Variants in PSEN1 observed in about 807,000 individuals in gnomAD.
The protein encoded by PSEN1 is presenilin 1.
Under a neutral mutation model 53.5 loss-of-function variants are expected in PSEN1, and 15 were observed. The ratio of observed to expected loss-of-function variants is 0.28; its 90% CI spans 0.19 to 0.43. PSEN1 has a LOEUF of 0.43. PSEN1 is among the 20% of genes least tolerant of loss of function. PSEN1 has a pLI of 1.00. For synonymous variants in PSEN1, 208 were observed against 209.8 expected (o/e 0.99, Z 0.08); for missense variants, 387 against 571.2 (o/e 0.68, Z 3.29).
At chr14:73,165,832 C>T (rs1056649673) in intron 3 of PSEN1, among the ~76,000 whole-genome samples, 5 of 150,650 alleles carry the variant, frequency 3.3e-5, no homozygotes, top group East Asian at 2.0e-4. Context: ...CCAAGGTGGG[C>T]GGATCATGAG....
intron 10 of PSEN1, among the ~76,000 whole-genome samples, chr14:73,213,541 A>G (rs896825867): frequency 1.3e-5 from 2 of 152,222 alleles, no homozygotes; most frequent in East Asian, 1.9e-4. Flanking sequence ...ACGTGTCACC[A>G]TCTCTGATGG....
In PSEN1 at chr14:73,192,651, T is replaced by A; in HGVS notation, c.556T>A (p.Phe186Ile). The A allele has an allele frequency of 6.2e-7, 1 of 1,612,454 alleles. No individual in the cohort carries two copies. Among genetic ancestry groups the A allele is most frequent in the Non-Finnish European group, 8.5e-7 (1 of 1,178,524 alleles). The change falls in exon 7 of 12, where the codon TTT (phenylalanine) becomes ATT (isoleucine). Residue 186 changes from phenylalanine (F) to isoleucine (I), a missense_variant. Around this residue, in one of 4 missense-constraint regions of PSEN1, gnomAD observed 169 missense variants for 299.7 expected, o/e 0.56. Transcript: ENST00000324501. ...FFSFIYLGEVFKTYNVAVDYI... is the reference protein window; with the variant it reads ...FFSFIYLGEVIKTYNVAVDYI... ...TGTGTAATTTTTTTTCAGGGAAGTGTTTAAAACCTATAACGTTGCTGTGGA... is the reference window on the plus strand; with the variant it reads ...TGTGTAATTTTTTTTCAGGGAAGTGATTAAAACCTATAACGTTGCTGTGGA...
Position 73,211,679 on chromosome 14 carries a change from A to G in PSEN1, c.956-90A>G, listed in dbSNP as rs1594754314. ...GTGGTTTAAGGGCCAGCTAGTTACAATGACAGCTAGTTACTGTTTCCATGT... is the reference window on the plus strand; with the variant it reads ...GTGGTTTAAGGGCCAGCTAGTTACAGTGACAGCTAGTTACTGTTTCCATGT... On this transcript the variant is annotated intron_variant, in intron 9 of 11. Coordinates refer to ENST00000324501, the MANE Select transcript of PSEN1 (RefSeq NM_000021.4). 3 of 1,420,956 alleles carry G rather than the reference A, an allele frequency of 2.1e-6. No homozygotes were observed. The East Asian group carries it at 7.1e-5, about 34-fold the overall frequency. The allele number at this position is 1,420,956 out of a possible 1,614,324, so 88.0% of individuals were successfully genotyped here. A position where few individuals can be genotyped will look rare whatever the true frequency, so the allele number is the denominator to read the frequency against.
In PSEN1 at chr14:73,221,333, T is replaced by A. The variant is rs914441953; in HGVS notation, c.*2044T>A. On this transcript the variant is annotated 3_prime_UTR_variant, in exon 12 of 12. Transcript: ENST00000324501. Reference sequence around the variant, plus strand: ...CACAGCTACAGCAAAGCCACCTGAATAGCAATTTGTGATTGGAAGCATTCT... The same window carrying A: ...CACAGCTACAGCAAAGCCACCTGAAAAGCAATTTGTGATTGGAAGCATTCT... 2 of 152,232 alleles carry A rather than the reference T, an allele frequency of 1.3e-5. No homozygotes were observed. The highest frequency in any genetic ancestry group is 6.5e-5 in the Admixed American group (1 of 15,278). The allele number at this position is 152,232 out of a possible 1,614,324, so 9.4% of individuals were successfully genotyped here.
At chr14:73,175,253 A>C (rs985521948) in intron 5 of PSEN1, among the ~76,000 whole-genome samples, 1 of 151,982 alleles carries the variant, frequency 6.6e-6, no homozygotes, top group Non-Finnish European at 1.5e-5. Flanking sequence ...CAGCCCCCCG[A>C]GTAGCTGGGA....
intron 10 of PSEN1, among the ~76,000 whole-genome samples, chr14:73,212,291 A>G (rs1233624167): frequency 1.3e-5 from 2 of 150,968 alleles, no homozygotes; most frequent in Non-Finnish European, 3.0e-5. Context: ...TTGTATTTTT[A>G]GTAGAGATGG....
intron 3 of PSEN1, among the ~76,000 whole-genome samples, chr14:73,149,773 T>C (rs1897166329): frequency 6.6e-6 from 1 of 152,228 alleles, no homozygotes; most frequent in Admixed American, 6.5e-5. Context: ...CCAAGTCTTA[T>C]TCAATTAGTT....
rs199811023 is a variant in PSEN1 at position 73,171,069 on chromosome 14, T to C, written c.338+22T>C. ...AGCTGTACGTATGAGTTTTGTTTTATTATTCTCAAAGCCAGTGTGGCTTTT... is the reference window on the plus strand; with the variant it reads ...AGCTGTACGTATGAGTTTTGTTTTACTATTCTCAAAGCCAGTGTGGCTTTT... On this transcript the variant is annotated intron_variant, in intron 4 of 11. Coordinates refer to ENST00000324501, the MANE Select transcript of PSEN1 (RefSeq NM_000021.4). The C allele has an allele frequency of 2.7e-5, 43 of 1,613,632 alleles. No homozygotes were observed. Among genetic ancestry groups the C allele is most frequent in the Non-Finnish European group, 3.5e-5 (41 of 1,180,008 alleles).
chr14:73,215,537 C>G (rs1899878385), intron 10 of PSEN1, among the ~76,000 whole-genome samples: 1 of 146,798 alleles, frequency 6.8e-6, no homozygotes, highest in Non-Finnish European at 1.5e-5. Flanking sequence ...GAGCCGAGAT[C>G]ACTTAAAAAA....
At chr14:73,170,736 AC>A (rs1897860177) in intron 3 of PSEN1, 60 bp from the exon 4 acceptor site, 5 of 1,587,948 alleles carry the variant, frequency 3.1e-6, no homozygotes, top group Non-Finnish European at 4.3e-6. Context: ...CCCAGGTCTA[AC>A]CGTTACCTTG....
At position 73,221,417 on chromosome 14, in the gene PSEN1, T is replaced by C. The variant is rs1900115679; in HGVS notation, c.*2128T>C. 6.6e-6 allele frequency: 1 copy of C among 152,208 alleles called. No homozygotes were observed. Among genetic ancestry groups the C allele is most frequent in the South Asian group, 2.1e-4 (1 of 4,834 alleles). 9.4% of individuals were successfully genotyped at this position (152,208 alleles called of 1,614,324 possible). A position where few individuals can be genotyped will look rare whatever the true frequency, so the allele number is the denominator to read the frequency against. ...GTAAGGATCCCAAATGTGTTGCACC[T>C]TTCATGATACATTTCTTCTCTGAAG... On this transcript the variant is annotated 3_prime_UTR_variant, in exon 12 of 12. Coordinates refer to ENST00000324501, the MANE Select transcript of PSEN1 (RefSeq NM_000021.4).
At chr14:73,151,484 A>G (rs1363707670) in intron 3 of PSEN1, among the ~76,000 whole-genome samples, 1 of 152,174 alleles carries the variant, frequency 6.6e-6, no homozygotes, top group Non-Finnish European at 1.5e-5. Flanking sequence ...AAATAAGAGA[A>G]GAAAAGCATG....
intron 6 of PSEN1, among the ~76,000 whole-genome samples, chr14:73,190,625 C>T (rs756436265): frequency 1.3e-5 from 2 of 152,088 alleles, no homozygotes; most frequent in Non-Finnish European, 2.9e-5. Context: ...GTGGCTCACA[C>T]CTGTAATCTC....
At chr14:73,156,970 A>C (rs538665754) in intron 3 of PSEN1, among the ~76,000 whole-genome samples, 1 of 151,732 alleles carries the variant, frequency 6.6e-6, no homozygotes, top group African/African-American at 2.4e-5. Flanking sequence ...CCTTTTTTTT[A>C]AAATGGTCTT....
At chr14:73,185,470 C>G (rs1898469143) in intron 5 of PSEN1, among the ~76,000 whole-genome samples, 1 of 152,208 alleles carries the variant, frequency 6.6e-6, no homozygotes. Context: ...CGGCGTGAGT[C>G]TGCAATCGCA....
At chr14:73,179,991 A>ATT (rs751321652) in intron 5 of PSEN1, among the ~76,000 whole-genome samples, 11 of 147,966 alleles carry the variant, frequency 7.4e-5, no homozygotes, top group African/African-American at 9.9e-5. Context: ...ATTTTATTTT[A>ATT]TTTTTTTTTT....
At chr14:73,202,161 C>A (rs1566647865) in intron 8 of PSEN1, among the ~76,000 whole-genome samples, 1 of 151,716 alleles carries the variant, frequency 6.6e-6, no homozygotes, top group African/African-American at 2.4e-5. Context: ...TCTCCTGCCT[C>A]AGCCTCCCGA....
chr14:73,168,704 A>G (rs548712900), intron 3 of PSEN1: 7 of 152,418 alleles, frequency 4.6e-5, no homozygotes, highest in African/African-American at 1.7e-4. Flanking sequence ...AATCTTCTGC[A>G]TATACTACCC....
chr14:73,139,566 C>A (rs1224664514), intron 1 of PSEN1, among the ~76,000 whole-genome samples: 1 of 150,576 alleles, frequency 6.6e-6, no homozygotes, highest in African/African-American at 2.5e-5. Flanking sequence ...GGCTACAGAG[C>A]GAGACTCCAT....
Sources: gnomAD v4.1 joint callset for allele counts (sites outside exome capture counted in the v4.1 genomes callset) on GRCh38, gnomAD v4.1.1 for gene constraint, gnomAD v4.1.1 regional missense constraint, MANE v1.5 for transcripts, NCBI Gene and HGNC (gene_info 2026-07-23, HGNC 2026-07-21) for gene names.